CCDC141: variants seen among roughly 807,000 people sequenced by gnomAD.
CCDC141 encodes coiled-coil domain-containing protein 141.
CCDC141 carries 168 observed loss-of-function variants against 181.0 expected under a neutral mutation model. The observed-to-expected ratio is 0.93, with a 90% CI of 0.82 to 1.05. CCDC141 has a LOEUF of 1.05. Ranked by LOEUF, CCDC141 falls within the 50% of genes least tolerant of loss-of-function variation. The pLI is 0.00. For missense variants in CCDC141, 1,902 were observed against 1,788.5 expected (o/e 1.06, Z -1.14); for synonymous variants, 666 against 642.3 (o/e 1.04, Z -0.56).
intron 17 of CCDC141, among the ~76,000 whole-genome samples, chr2:178,857,606 T>C (rs1252874426): frequency 2.0e-5 from 3 of 152,168 alleles, no homozygotes; most frequent in African/African-American, 7.2e-5. Flanking sequence ...CCCTTCTCTA[T>C]ATTTAAGAAG....
chr2:179,040,953 TGCCACAC>T (rs1441487954), intron 2 of CCDC141, among the ~76,000 whole-genome samples: 2 of 152,224 alleles, frequency 1.3e-5, no homozygotes, highest in Non-Finnish European at 2.9e-5. Flanking sequence ...TTTGAGGAAA[TGCCACAC>T]TGTCTTCTAC....
intron 2 of CCDC141, among the ~76,000 whole-genome samples, chr2:179,019,370 C>T (rs1370687293): frequency 1.3e-5 from 2 of 152,100 alleles, no homozygotes; most frequent in Admixed American, 6.6e-5. Flanking sequence ...ATGCAGAACA[C>T]TAATGATGAG....
intron 8 of CCDC141, among the ~76,000 whole-genome samples, chr2:178,905,039 T>C (rs1384353553): frequency 6.6e-6 from 1 of 152,224 alleles, no homozygotes; most frequent in East Asian, 1.9e-4. Flanking sequence ...CCTTGGGAAC[T>C]AAAGCTCTAC....
intron 4 of CCDC141, among the ~76,000 whole-genome samples, chr2:178,969,709 C>G (rs540106006): frequency 1.3e-5 from 2 of 152,160 alleles, no homozygotes; most frequent in African/African-American, 4.8e-5. Flanking sequence ...CTTTGAAAAC[C>G]AGCACAAGAC....
chr2:178,965,611 C>T (rs563717247), intron 4 of CCDC141, among the ~76,000 whole-genome samples: 9 of 152,322 alleles, frequency 5.9e-5, no homozygotes, highest in East Asian at 3.9e-4. Context: ...CCATGGTCTT[C>T]GCAACCCACA....
intron 2 of CCDC141, 45 bp downstream of exon 2, chr2:179,047,239 T>C: frequency 6.8e-7 from 1 of 1,474,124 alleles, no homozygotes; most frequent in Non-Finnish European, 9.0e-7. Flanking sequence ...AATAGTTTTT[T>C]ATGTCTCTTT....
chr2:178,944,761 T>C (rs1346539556), intron 5 of CCDC141, 110 bp from the exon 6 acceptor site: 15 of 475,592 alleles, frequency 3.2e-5, no homozygotes, highest in Non-Finnish European at 5.2e-5. Flanking sequence ...TTTAATTTCT[T>C]TTTATATAAA....
At chr2:178,911,528 C>T (rs1688217993) in intron 7 of CCDC141, among the ~76,000 whole-genome samples, 1 of 152,182 alleles carries the variant, frequency 6.6e-6, no homozygotes, top group African/African-American at 2.4e-5. Flanking sequence ...CCTACAATTC[C>T]ATTTATTTTA....
chr2:178,915,710 G>A (rs908094499), intron 7 of CCDC141: 1 of 152,150 alleles, frequency 6.6e-6, no homozygotes, highest in African/African-American at 2.4e-5. Context: ...CATCTCACTG[G>A]TAGGTCAAGA....
At chr2:178,982,914 G>C (rs963639980) in intron 2 of CCDC141, among the ~76,000 whole-genome samples, 3 of 152,224 alleles carry the variant, frequency 2.0e-5, no homozygotes, top group African/African-American at 7.2e-5. Context: ...GCCCAGGCTT[G>C]CTTAGGTAAA....
chr2:178,984,722 C>T (rs1486280923), intron 2 of CCDC141, among the ~76,000 whole-genome samples: 14 of 150,342 alleles, frequency 9.3e-5, no homozygotes, highest in African/African-American at 3.4e-4. Flanking sequence ...ACAAAGAAGG[C>T]CATTACATAA....
chr2:179,018,780 C>A (rs956827068), intron 2 of CCDC141, among the ~76,000 whole-genome samples: 1 of 152,054 alleles, frequency 6.6e-6, no homozygotes, highest in Non-Finnish European at 1.5e-5. Flanking sequence ...TAGGCGAGAG[C>A]AAGAACAGTG....
chr2:178,856,107 T>C, intron 18 of CCDC141, 150 bp downstream of exon 18: 1 of 614,156 alleles, frequency 1.6e-6, no homozygotes, highest in Non-Finnish European at 2.6e-6. Flanking sequence ...AGGATAAAAT[T>C]GTTATAAAAA....
chr2:178,863,592 A>T (rs1019101976), intron 17 of CCDC141, among the ~76,000 whole-genome samples: 4 of 152,212 alleles, frequency 2.6e-5, no homozygotes, highest in African/African-American at 9.7e-5. Context: ...AAACTGGAAC[A>T]CACATATTTT....
chr2:178,905,299 T>C, intron 8 of CCDC141, 30 bp downstream of exon 8: 2 of 1,523,214 alleles, frequency 1.3e-6, no homozygotes, highest in Non-Finnish European at 1.8e-6. Flanking sequence ...AAAAGCTTGT[T>C]ACACTGAGAA....
chr2:178,961,444 T>TCAACA lies in CCDC141; in HGVS notation c.565_566insTGTTG (p.Gln189LeufsTer9). On this transcript the variant is annotated frameshift_variant, in exon 5 of 24. Transcript: ENST00000443758. LOFTEE classifies it high-confidence loss of function. ...TTTTTCTATGAAGTCAGTGAGTTGT[T>TCAACA]GACTTTTGTTTAAAAGGGCTAAAGA... 6.4e-7 allele frequency: 1 copy of TCAACA among 1,550,456 alleles called. No homozygotes were observed. The highest frequency in any genetic ancestry group is 8.7e-7 in the Non-Finnish European group (1 of 1,146,872).
intron 6 of CCDC141, among the ~76,000 whole-genome samples, chr2:178,944,048 A>G (rs1689629687): frequency 6.6e-6 from 1 of 152,194 alleles, no homozygotes; most frequent in Non-Finnish European, 1.5e-5. Context: ...GTAGAAAAAA[A>G]ATTTTTTAGA....
intron 7 of CCDC141, among the ~76,000 whole-genome samples, chr2:178,911,489 A>G (rs1355179487): frequency 6.6e-6 from 1 of 152,244 alleles, no homozygotes; most frequent in Non-Finnish European, 1.5e-5. Context: ...GTGTAATGCT[A>G]GCAAACATTT....
chr2:178,961,528 C>CT lies in CCDC141; in HGVS notation c.527-46dup. On this transcript the variant is annotated intron_variant, in intron 4 of 23. Coordinates refer to ENST00000443758, the MANE Select transcript of CCDC141 (RefSeq NM_173648.4). ...AAAAAAGAATAATGATATTAGCAAGCTTTTATACAGCAATATTCAGACTCT... is the reference window on the plus strand; with the variant it reads ...AAAAAAGAATAATGATATTAGCAAGCTTTTTATACAGCAATATTCAGACTCT... 7.8e-6 allele frequency: 11 copies of CT among 1,404,080 alleles called. 1 individual carries two copies. The highest frequency in any genetic ancestry group is 4.3e-5 in the African/African-American group (3 of 69,420). The allele number at this position is 1,404,080 out of a possible 1,614,324, so 87.0% of individuals were successfully genotyped here. A position where few individuals can be genotyped will look rare whatever the true frequency, so the allele number is the denominator to read the frequency against.
Sources: allele counts gnomAD v4.1 joint callset (sites outside exome capture counted in the v4.1 genomes callset), GRCh38; gene constraint gnomAD v4.1.1; transcripts MANE v1.5; gene names NCBI Gene and HGNC (gene_info 2026-07-23, HGNC 2026-07-21).